The following GNAQ variants were observed in gnomAD, a reference collection of about 807,000 sequenced individuals.
GNAQ encodes the protein guanine nucleotide-binding protein G(q) subunit alpha.
A neutral mutation model predicts 43.9 loss-of-function variants in GNAQ; 8 were observed. That is an observed-to-expected ratio of 0.18 (90% CI 0.11 to 0.33). GNAQ has a LOEUF of 0.33. GNAQ is among the 10% of genes least tolerant of loss of function. GNAQ has a pLI of 1.00. For missense variants in GNAQ, 158 were observed against 450.8 expected, an observed-to-expected ratio of 0.35 and a Z score of 5.88; for synonymous variants, 155 against 170.7, an observed-to-expected ratio of 0.91 and a Z score of 0.71.
At chr9:77,790,281 C>A (rs1826546598) in intron 5 of GNAQ, among the ~76,000 whole-genome samples, 1 of 152,074 alleles carries the variant, frequency 6.6e-6, no homozygotes, top group African/African-American at 2.4e-5. Context: ...TTTTTCTCCT[C>A]AATTTTTAGT....
At chr9:77,741,652 G>A (rs527718011) in intron 5 of GNAQ, among the ~76,000 whole-genome samples, 2 of 152,270 alleles carry the variant, frequency 1.3e-5, no homozygotes, top group East Asian at 3.9e-4. Flanking sequence ...TGTAAAAAAT[G>A]CCTTTCCAGA....
chr9:78,009,164 G>A (rs1389088532), intron 1 of GNAQ, among the ~76,000 whole-genome samples: 1 of 152,108 alleles, frequency 6.6e-6, no homozygotes, highest in East Asian at 1.9e-4. Flanking sequence ...AATATTCACA[G>A]AAAAGAAGGA....
At chr9:77,800,329 T>C (rs1190969559) in intron 3 of GNAQ, among the ~76,000 whole-genome samples, 1 of 151,872 alleles carries the variant, frequency 6.6e-6, no homozygotes, top group Non-Finnish European at 1.5e-5. Context: ...AACCCAAATG[T>C]CCAACAATGA....
intron 2 of GNAQ, among the ~76,000 whole-genome samples, chr9:77,910,437 G>A (rs746252128): frequency 6.6e-6 from 1 of 152,186 alleles, no homozygotes; most frequent in Non-Finnish European, 1.5e-5. Flanking sequence ...AGTTAACCAA[G>A]AACAGCCAAA....
In GNAQ at chr9:77,795,825, T is replaced by G. The variant is rs143250197; in HGVS notation, c.606-1233A>C. 9.3e-4 allele frequency among the ~76,000 whole-genome samples: 141 copies of G among 152,308 alleles called. 1 individual carries two copies. Among genetic ancestry groups the G allele is most frequent in the African/African-American group, 3.1e-3 (129 of 41,574 alleles). On this transcript the variant is annotated intron_variant, in intron 4 of 6. Coordinates refer to ENST00000286548, the MANE Select transcript of GNAQ (RefSeq NM_002072.5). The stretch of plus-strand genomic sequence containing the variant: ...ACTGGGCCGTAAAAGATGCTTCTGA[T>G]GGTGGTGGAAAATTATACTTCTAAG...
At chr9:77,796,620 A>C (rs1212253941) in intron 4 of GNAQ, among the ~76,000 whole-genome samples, 1 of 152,234 alleles carries the variant, frequency 6.6e-6, no homozygotes, top group Non-Finnish European at 1.5e-5. Flanking sequence ...TGAGGTAATA[A>C]ATTTTCATTC....
chr9:77,889,966 A>C lies in GNAQ; in HGVS notation c.321+32195T>G, dbSNP rs76620862. ...TTAATTTTACATGCAAACATTCTAT[A>C]ATATGCATACTAAAAACAAGTAAAA... On this transcript the variant is annotated intron_variant, in intron 2 of 6. Transcript: ENST00000286548. Among the ~76,000 whole-genome samples, 36 of 152,326 alleles carry C rather than the reference A, an allele frequency of 2.4e-4. No homozygotes were observed. The East Asian group carries it at 4.8e-3, about 20-fold the overall frequency.
chr9:77,725,579 T>TTA (rs1491535568), intron 6 of GNAQ, among the ~76,000 whole-genome samples: 12 of 57,138 alleles, frequency 2.1e-4, no homozygotes, highest in African/African-American at 8.4e-4. Context: ...AAGGTAACAG[T>TTA]AAAAAAAAAA....
intron 5 of GNAQ, among the ~76,000 whole-genome samples, chr9:77,790,760 A>G (rs976689876): frequency 1.3e-5 from 2 of 152,156 alleles, no homozygotes; most frequent in African/African-American, 4.8e-5. Context: ...GCTGGTCTGG[A>G]AGGGCAGGGG....
chr9:77,759,893 T>TC (rs1587902108), intron 5 of GNAQ, among the ~76,000 whole-genome samples: 1 of 95,016 alleles, frequency 1.1e-5, no homozygotes, highest in Non-Finnish European at 2.6e-5. Context: ...TCTCTCTCTT[T>TC]TTTTCTTTCT....
At chr9:77,791,512 C>T (rs1159566164) in intron 5 of GNAQ, among the ~76,000 whole-genome samples, 1 of 152,108 alleles carries the variant, frequency 6.6e-6, no homozygotes, top group East Asian at 1.9e-4. Context: ...ATACGCAAAT[C>T]AACACAGCTC....
At chr9:77,865,447 A>T (rs980407452) in intron 2 of GNAQ, among the ~76,000 whole-genome samples, 1 of 152,248 alleles carries the variant, frequency 6.6e-6, no homozygotes, top group African/African-American at 2.4e-5. Flanking sequence ...GTTAGATATC[A>T]GCCTTTGTCA....
At chr9:77,755,340 T>A (rs560606762) in intron 5 of GNAQ, among the ~76,000 whole-genome samples, 1 of 152,174 alleles carries the variant, frequency 6.6e-6, no homozygotes, top group African/African-American at 2.4e-5. Context: ...GTTAAGTTTA[T>A]TGTACATTTT....
intron 1 of GNAQ, among the ~76,000 whole-genome samples, chr9:78,017,549 A>G (rs1414297513): frequency 6.6e-6 from 1 of 152,228 alleles, no homozygotes; most frequent in East Asian, 1.9e-4. Flanking sequence ...TACATCAGAG[A>G]TGTATAACAC....
intron 2 of GNAQ, among the ~76,000 whole-genome samples, chr9:77,863,614 T>C (rs1827896912): frequency 6.6e-6 from 1 of 152,158 alleles, no homozygotes; most frequent in Non-Finnish European, 1.5e-5. Context: ...CCCACTCTAT[T>C]GGTACCAATT....
At chr9:77,940,506 G>C (rs1829299234) in intron 1 of GNAQ, among the ~76,000 whole-genome samples, 3 of 152,106 alleles carry the variant, frequency 2.0e-5, no homozygotes, top group Non-Finnish European at 4.4e-5. Context: ...TTGAGCCTGG[G>C]AGGTCAAGGC....
At chr9:77,930,240 T>G (rs142311247) in intron 1 of GNAQ, among the ~76,000 whole-genome samples, 2 of 152,140 alleles carry the variant, frequency 1.3e-5, no homozygotes, top group Admixed American at 1.3e-4. Flanking sequence ...CCCTACAAAT[T>G]TGAGAGACTG....
chr9:77,781,605 T>C (rs1826394386), intron 5 of GNAQ, among the ~76,000 whole-genome samples: 1 of 152,014 alleles, frequency 6.6e-6, no homozygotes, highest in Admixed American at 6.6e-5. Flanking sequence ...AGATATAAAA[T>C]TCCCAACAAA....
chr9:78,031,080 G>A lies in GNAQ; in HGVS notation c.136+20C>T, dbSNP rs778259637. ...GGGCTGGGGGCGCAGAGGCCCGGCGGGGCCCCGGACGGTACTCACCGAGCA... is the reference window on the plus strand; with the variant it reads ...GGGCTGGGGGCGCAGAGGCCCGGCGAGGCCCCGGACGGTACTCACCGAGCA... On this transcript the variant is annotated intron_variant, in intron 1 of 6. Coordinates refer to ENST00000286548, the MANE Select transcript of GNAQ (RefSeq NM_002072.5). 2.8e-6 allele frequency: 4 copies of A among 1,444,856 alleles called. No homozygotes were observed. The highest frequency in any genetic ancestry group is 1.5e-5 in the African/African-American group (1 of 68,390). 89.5% of individuals were successfully genotyped at this position (1,444,856 alleles called of 1,614,324 possible).
Sources: gnomAD v4.1 joint callset for allele counts (sites outside exome capture counted in the v4.1 genomes callset) on GRCh38, gnomAD v4.1.1 for gene constraint, MANE v1.5 for transcripts, NCBI Gene and HGNC (gene_info 2026-07-23, HGNC 2026-07-21) for gene names.